TAF1: variants seen among roughly 807,000 people sequenced by gnomAD.
TAF1 encodes the protein TATA-box binding protein associated factor 1.
TAF1 carries 2 observed loss-of-function variants against 138.5 expected under a neutral mutation model. The observed-to-expected ratio is 0.01, with a 90% CI of 0.01 to 0.05. The LOEUF is 0.05. Among genes scored for constraint, TAF1 ranks in the 10% least tolerant of loss-of-function variants. TAF1 has a pLI of 1.00. For missense variants in TAF1, 709 were observed against 1,478.0 expected (o/e 0.48, Z 8.53); for synonymous variants, 437 against 503.2 (o/e 0.87, Z 1.76).
intron 13 of TAF1, among the ~76,000 whole-genome samples, chrX:71,476,024 T>G (rs2038974571): frequency 8.9e-6 from 1 of 111,776 alleles, no homozygotes; most frequent in African/African-American, 3.3e-5. Context: ...GTAAGCTTCC[T>G]GAGACCTGCT....
chrX:71,419,941 C>A (rs759243499), intron 28 of TAF1: 25 of 222,069 alleles, frequency 1.1e-4, no homozygotes, highest in African/African-American at 6.7e-4. Flanking sequence ...TTCTCCCCCC[C>A]TTCCACAGTA....
intron 36 of TAF1, among the ~76,000 whole-genome samples, chrX:71,459,958 G>A (rs985301748): frequency 8.9e-6 from 1 of 112,363 alleles, no homozygotes; most frequent in Non-Finnish European, 1.9e-5. Flanking sequence ...CTTGTTAAAG[G>A]CTGGGCACAG....
At chrX:71,387,187 ATTTC>A in intron 14 of TAF1, 70 bp from the exon 15 acceptor site, 4 of 1,072,990 alleles carry the variant, frequency 3.7e-6, no homozygotes, top group Non-Finnish European at 5.1e-6. Flanking sequence ...TAAGCTTGGT[ATTTC>A]TTTCTCAGCA....
intron 32 of TAF1, among the ~76,000 whole-genome samples, chrX:71,453,145 C>T (rs2038119043): frequency 9.0e-6 from 1 of 111,090 alleles, no homozygotes; most frequent in African/African-American, 3.3e-5. Flanking sequence ...TTCTGTCTTA[C>T]TCCAGACCAG....
chrX:71,368,864 T>C (rs753468687), intron 3 of TAF1: 26 of 94,682 alleles, frequency 2.7e-4, no homozygotes, highest in Admixed American at 1.6e-3. Flanking sequence ...TTTTTTTTTT[T>C]CCGAGACGGA....
exon 14 of TAF1, chrX:71,528,595 G>C (rs1396092514): frequency 1.8e-5 from 6 of 329,476 alleles, no homozygotes; most frequent in Non-Finnish European, 2.9e-5. Flanking sequence ...CTGGAGCAAC[G>C]ACCAGGTCCT....
intron 4 of TAF1, among the ~76,000 whole-genome samples, chrX:71,375,958 T>C (rs1004665108): frequency 1.8e-5 from 2 of 112,817 alleles, no homozygotes; most frequent in African/African-American, 6.4e-5. Context: ...ATGAAGTGGT[T>C]AAATTAGGAA....
Position 71,460,859 on chromosome X carries a change from G to C in TAF1, c.5399+56G>C, listed in dbSNP as rs1427166141. ...GGCATCAGTGCCCAGCTATGATGTT[G>C]AGGGGCCCAACATCAGATTACTTTT... On this transcript the variant is annotated intron_variant, in intron 37 of 37. Transcript: ENST00000423759. 6.9e-6 allele frequency: 8 copies of C among 1,156,965 alleles called. No homozygotes were observed. The Admixed American group carries it at 1.8e-4, about 26-fold the overall frequency.
rs191208367 is a variant in TAF1 at position 71,524,237 on chromosome X, G to A, written c.1367-4305G>A. Among the ~76,000 whole-genome samples the A allele has an allele frequency of 3.0e-3, 330 of 108,372 alleles. 7 individuals carry two copies. The Admixed American group carries it at 0.031, about 10-fold the overall frequency. The allele number at this position is 108,372 out of a possible 115,157, so 94.1% of individuals were successfully genotyped here. A position where few individuals can be genotyped will look rare whatever the true frequency, so the allele number is the denominator to read the frequency against. ...TGTAGAGACAGGGTTTTGCCATGTT[G>A]CCCAGGCTGGTCTTGAACTCTTGAG... is the stretch of plus-strand genomic sequence containing the variant. On this transcript the variant is annotated intron_variant and NMD_transcript_variant, in intron 13 of 14. Coordinates refer to the TAF1 transcript ENST00000373775.
intron 13 of TAF1, among the ~76,000 whole-genome samples, chrX:71,513,706 A>AC (rs1024360432): frequency 9.0e-6 from 1 of 111,222 alleles, no homozygotes; most frequent in South Asian, 3.8e-4. Context: ...ACATAGTGAG[A>AC]CCCCATCTAT....
intron 32 of TAF1, among the ~76,000 whole-genome samples, chrX:71,448,839 A>G (rs2037818446): frequency 1.1e-5 from 1 of 94,642 alleles, no homozygotes. Context: ...TTTTTTTGAG[A>G]CGGAGTTTCG....
At position 71,378,231 on chromosome X, in the gene TAF1, A is replaced by G. The variant is rs2033625385; in HGVS notation, c.934-4A>G. 1 of 1,208,390 alleles carries G rather than the reference A, an allele frequency of 8.3e-7. No individual in the cohort carries two copies. Among genetic ancestry groups the G allele is most frequent in the Admixed American group, 2.2e-5 (1 of 45,662 alleles). On this transcript the variant is annotated splice_polypyrimidine_tract_variant and splice_region_variant and intron_variant, in intron 6 of 37. Transcript: ENST00000423759. ...CCCTGCTCTACTTCTTTCTTCTGTT[A>G]CAGATCACGATGATGGCTCCTGTGG...
At chrX:71,467,856 G>T (rs1249507798), downstream of TAF1, among the ~76,000 whole-genome samples, 4 of 112,052 alleles carry the variant, frequency 3.6e-5, no homozygotes, top group Non-Finnish European at 7.5e-5. Context: ...TACCTTTAAA[G>T]AAAATATTAT....
intron 36 of TAF1, among the ~76,000 whole-genome samples, chrX:71,459,996 T>C (rs1455560632): frequency 8.9e-6 from 1 of 112,240 alleles, no homozygotes; most frequent in African/African-American, 3.2e-5. Flanking sequence ...CCCAGCACTT[T>C]GGGAAGCCAA....
intron 25 of TAF1, among the ~76,000 whole-genome samples, chrX:71,402,098 T>A (rs1036137471): frequency 9.0e-6 from 1 of 111,322 alleles, no homozygotes; most frequent in African/African-American, 3.3e-5. Context: ...TAGACACTTA[T>A]AATATTTGCA....
At position 71,437,986 on chromosome X, in the gene TAF1, C is replaced by G. The variant is rs374441997; in HGVS notation, c.4753+13748C>G. Among the ~76,000 whole-genome samples, 375 of 108,731 alleles carry G rather than the reference C, an allele frequency of 3.4e-3. 2 individuals are homozygous for G. The highest frequency in any genetic ancestry group is 6.0e-3 in the Admixed American group (60 of 10,077). The allele number at this position is 108,731 out of a possible 115,157, so 94.4% of individuals were successfully genotyped here. On this transcript the variant is annotated intron_variant, in intron 32 of 37. Coordinates refer to ENST00000423759, the MANE Select transcript of TAF1 (RefSeq NM_004606.5). ...GAGTAGCTGGGATTACAGGCGTGCA[C>G]CACCACGCCCGGGTAATTTTTGTAT...
intron 13 of TAF1, among the ~76,000 whole-genome samples, chrX:71,481,184 C>T (rs886951743): frequency 9.0e-6 from 1 of 111,708 alleles, no homozygotes; most frequent in African/African-American, 3.3e-5. Context: ...GAGGCTGAGG[C>T]AGGAGAATCA....
chrX:71,485,124 C>T (rs1356900788), intron 13 of TAF1: 2 of 112,233 alleles, frequency 1.8e-5, no homozygotes, highest in Non-Finnish European at 3.8e-5. Context: ...AACTGTAAGA[C>T]TATCTAAGCA....
At chrX:71,412,132 T>A (rs1398968165) in intron 28 of TAF1, among the ~76,000 whole-genome samples, 2 of 105,802 alleles carry the variant, frequency 1.9e-5, no homozygotes, top group Non-Finnish European at 3.9e-5. Flanking sequence ...GTTTTTTTTT[T>A]TTTTTTTTTT....
Sources: allele counts gnomAD v4.1 joint callset (sites outside exome capture counted in the v4.1 genomes callset), GRCh38; gene constraint gnomAD v4.1.1; transcripts MANE v1.5; gene names NCBI Gene and HGNC (gene_info 2026-07-23, HGNC 2026-07-21).